The following PRH1 variants were observed in gnomAD, a reference collection of about 807,000 sequenced individuals.
PRH1 encodes salivary acidic proline-rich phosphoprotein 1/2.
Under a neutral mutation model 7.9 loss-of-function variants are expected in PRH1, and 7 were observed. The observed-to-expected ratio is 0.89, with a 90% CI of 0.50 to 1.67. The LOEUF (loss-of-function observed/expected upper bound fraction) is 1.67. Ranked by LOEUF, PRH1 falls within the 40% of genes most tolerant of loss-of-function variation. The pLI, the probability that PRH1 is intolerant of heterozygous loss-of-function variation, is 0.00. For synonymous variants in PRH1, 45 were observed against 80.8 expected (o/e 0.56, Z 2.38); for missense variants, 109 against 223.6 (o/e 0.49, Z 3.27).
intron 2 of PRH1, chr12:10,931,015 C>A: frequency 1.9e-6 from 3 of 1,593,912 alleles, no homozygotes; most frequent in Non-Finnish European, 2.6e-6. Context: ...ACCACCTCCC[C>A]AAGGGGGCCG....
At chr12:11,147,837 G>A (rs1946914788) in intron 1 of PRH1, among the ~76,000 whole-genome samples, 1 of 152,092 alleles carries the variant, frequency 6.6e-6, no homozygotes, top group Non-Finnish European at 1.5e-5. Flanking sequence ...GTCATTGTTA[G>A]CTTGATGGGG....
intron 1 of PRH1, among the ~76,000 whole-genome samples, chr12:11,150,491 TA>T (rs1385170291): frequency 6.6e-6 from 1 of 152,080 alleles, no homozygotes; most frequent in African/African-American, 2.4e-5. Flanking sequence ...TAAGCAGCCA[TA>T]AAAAATGATG....
At chr12:11,104,574 C>G (rs749636024) in intron 1 of PRH1, among the ~76,000 whole-genome samples, 2 of 151,082 alleles carry the variant, frequency 1.3e-5, no homozygotes, top group Non-Finnish European at 3.0e-5. Flanking sequence ...ATAAGTATGC[C>G]ACAATTTCTT....
At chr12:10,966,839 G>A (rs1259464367) in intron 2 of PRH1, among the ~76,000 whole-genome samples, 1 of 152,172 alleles carries the variant, frequency 6.6e-6, no homozygotes, top group East Asian at 1.9e-4. Flanking sequence ...GTAGAGGCTG[G>A]GCGCGGTGGC....
chr12:11,144,619 G>T (rs1470736574), intron 1 of PRH1, among the ~76,000 whole-genome samples: 1 of 152,184 alleles, frequency 6.6e-6, no homozygotes, highest in African/African-American at 2.4e-5. Context: ...GAGGCTTCTT[G>T]ACCAGTTCAA....
chr12:10,939,153 T>C (rs570580621), intron 2 of PRH1: 2 of 1,602,150 alleles, frequency 1.2e-6, no homozygotes, highest in Non-Finnish European at 1.7e-6. Flanking sequence ...AAATTTCCAA[T>C]TATAAATTCC....
At chr12:11,073,493 GA>G (rs369061603) in intron 1 of PRH1, among the ~76,000 whole-genome samples, 4 of 146,476 alleles carry the variant, frequency 2.7e-5, no homozygotes, top group Non-Finnish European at 6.0e-5. Flanking sequence ...ATCACTAAAA[GA>G]GAAGCACAGT....
chr12:11,000,264 C>T (rs1297029750), intron 1 of PRH1, among the ~76,000 whole-genome samples: 2 of 152,204 alleles, frequency 1.3e-5, no homozygotes, highest in South Asian at 2.1e-4. Flanking sequence ...GAATTATGCA[C>T]ATATTTATCA....
At chr12:11,038,325 T>A (rs1442752190) in intron 1 of PRH1, among the ~76,000 whole-genome samples, 1 of 152,242 alleles carries the variant, frequency 6.6e-6, no homozygotes, top group Non-Finnish European at 1.5e-5. Context: ...GAAAAAAGAA[T>A]TTGCCAGCCA....
chr12:11,030,226 A>AATAC (rs1555141905), intron 1 of PRH1, among the ~76,000 whole-genome samples: 7 of 131,554 alleles, frequency 5.3e-5, no homozygotes, highest in Admixed American at 2.3e-4. Flanking sequence ...TACACACATA[A>AATAC]ACACACACAT....
chr12:11,038,758 T>C (rs914441333), intron 1 of PRH1, among the ~76,000 whole-genome samples: 2 of 152,268 alleles, frequency 1.3e-5, no homozygotes, highest in African/African-American at 2.4e-5. Flanking sequence ...TGAATGTATA[T>C]GTATTCTGAT....
intron 1 of PRH1, among the ~76,000 whole-genome samples, chr12:11,000,177 G>C (rs1228314413): frequency 6.6e-6 from 1 of 151,838 alleles, no homozygotes; most frequent in Non-Finnish European, 1.5e-5. Context: ...TCTCTTTATC[G>C]CTATTTGCAT....
At chr12:11,116,403 C>A (rs1945731960), downstream of PRH1, among the ~76,000 whole-genome samples, 1 of 151,898 alleles carries the variant, frequency 6.6e-6, no homozygotes, top group South Asian at 2.1e-4. Flanking sequence ...AAAAGTCTCC[C>A]ACTTTAGAAA....
At chr12:10,896,239 T>C (rs946270561) in intron 2 of PRH1, among the ~76,000 whole-genome samples, 12 of 152,172 alleles carry the variant, frequency 7.9e-5, no homozygotes, top group African/African-American at 2.9e-4. Context: ...CAATGCCATC[T>C]TTTGCTTAAA....
At chr12:11,159,337 C>CA (rs66547287) in intron 1 of PRH1, 111,488 of 149,520 alleles carry the variant, frequency 0.75, 44,040 homozygotes, top group East Asian at 0.96. Context: ...TTCAGCCAGG[C>CA]AAAAAATAAG....
At chr12:10,909,919 G>A (rs1276292566) in intron 2 of PRH1, among the ~76,000 whole-genome samples, 1 of 152,120 alleles carries the variant, frequency 6.6e-6, no homozygotes, top group Non-Finnish European at 1.5e-5. Context: ...CTCATTCCCT[G>A]CCTCATCACT....
intron 2 of PRH1, among the ~76,000 whole-genome samples, chr12:10,892,649 A>C (rs1329539203): frequency 6.6e-6 from 1 of 152,206 alleles, no homozygotes; most frequent in African/African-American, 2.4e-5. Flanking sequence ...AAGAAGTAAA[A>C]TCTAAAATTG....
chr12:10,915,823 G>T (rs1425581969), intron 2 of PRH1, among the ~76,000 whole-genome samples: 1 of 152,100 alleles, frequency 6.6e-6, no homozygotes, highest in African/African-American at 2.4e-5. Context: ...TCCTATAAAA[G>T]CATCCCCATC....
intron 2 of PRH1, among the ~76,000 whole-genome samples, chr12:10,936,218 A>G (rs1358781202): frequency 2.0e-5 from 3 of 151,874 alleles, no homozygotes; most frequent in Non-Finnish European, 4.4e-5. Context: ...ACAAACCAGT[A>G]AGGTAGATAA....
Sources: gnomAD v4.1 joint callset for allele counts (sites outside exome capture counted in the v4.1 genomes callset) on GRCh38, gnomAD v4.1.1 for gene constraint, MANE v1.5 for transcripts, NCBI Gene and HGNC (gene_info 2026-07-23, HGNC 2026-07-21) for gene names.